Variants in OPA3 observed in about 807,000 individuals in gnomAD.
The protein encoded by OPA3 is outer mitochondrial membrane lipid metabolism regulator OPA3, also known as optic atrophy 3 protein.
Under a neutral mutation model 4.0 loss-of-function variants are expected in OPA3, and 6 were observed. The observed-to-expected ratio is 1.51, with a 90% CI of 0.83 to 2.99. OPA3 has a LOEUF of 2.99. Ranked by LOEUF, OPA3 falls within the 30% of genes most tolerant of loss-of-function variation. The pLI is 0.00. For missense variants in OPA3, 235 were observed against 256.2 expected (o/e 0.92, Z 0.56); for synonymous variants, 105 against 117.1 (o/e 0.90, Z 0.67).
At chr19:45,573,128 GT>G (rs1233694526) in intron 1 of OPA3, among the ~76,000 whole-genome samples, 2 of 151,928 alleles carry the variant, frequency 1.3e-5, no homozygotes, top group African/African-American at 4.8e-5. Context: ...TCAGACGGAG[GT>G]TTTTTTCTAG....
At chr19:45,576,476 T>C (rs1298696598) in intron 1 of OPA3, among the ~76,000 whole-genome samples, 2 of 151,842 alleles carry the variant, frequency 1.3e-5, no homozygotes, top group East Asian at 3.9e-4. Context: ...AGGCAGAGAT[T>C]GCAGTGAGTT....
At chr19:45,566,429 G>C (rs1408571569) in intron 1 of OPA3, among the ~76,000 whole-genome samples, 2 of 148,194 alleles carry the variant, frequency 1.3e-5, no homozygotes, top group Non-Finnish European at 3.0e-5. Flanking sequence ...GGGATTACAG[G>C]AGTGAGCCAC....
chr19:45,538,404 G>T (rs767715272), intron 1 of OPA3, among the ~76,000 whole-genome samples: 2 of 152,074 alleles, frequency 1.3e-5, no homozygotes, highest in African/African-American at 2.4e-5. Context: ...CTGGGCAAAA[G>T]AGTGAGTCCC....
At chr19:45,539,965 G>A (rs1969165234) in intron 1 of OPA3, among the ~76,000 whole-genome samples, 1 of 152,156 alleles carries the variant, frequency 6.6e-6, no homozygotes. Context: ...AAATTGGAAT[G>A]TGGAGATGGT....
At chr19:45,558,240 G>A (rs1969449948) in intron 1 of OPA3, among the ~76,000 whole-genome samples, 1 of 152,062 alleles carries the variant, frequency 6.6e-6, no homozygotes, top group African/African-American at 2.4e-5. Flanking sequence ...GCTGAGACAG[G>A]AGAATCGCTT....
intron 1 of OPA3, chr19:45,529,470 C>G: frequency 1.2e-6 from 2 of 1,610,902 alleles, no homozygotes; most frequent in South Asian, 2.2e-5. Flanking sequence ...CAGGAAAAGA[C>G]AGGAGTCAGG....
rs1412176712 is a variant in OPA3 at position 45,553,521 on chromosome 19, T to C, written c.533A>G (p.Lys178Arg). Residue 178 changes from lysine (K) to arginine (R), a missense_variant, in exon 2 of 2, where the codon AAG (lysine) becomes AGG (arginine). Physicochemically the swap from Lys to Arg is conservative, Grantham distance 26. Coordinates refer to ENST00000263275, the MANE Select transcript of OPA3 (RefSeq NM_025136.4). The part of the protein sequence containing the change: ...RSASHAVPAS[K>R]K ...GTTCCATCCAGCAAGCTCCTATTTCTTGGACGCAGGCACTGCGTGGGAAGC... is the reference window on the plus strand; with the variant it reads ...GTTCCATCCAGCAAGCTCCTATTTCCTGGACGCAGGCACTGCGTGGGAAGC... The C allele has an allele frequency of 1.2e-6, 2 of 1,613,098 alleles. No homozygotes were observed. Among genetic ancestry groups the C allele is most frequent in the East Asian group, 2.2e-5 (1 of 44,892 alleles).
intron 1 of OPA3, among the ~76,000 whole-genome samples, chr19:45,569,118 G>C (rs1198373380): frequency 1.3e-5 from 2 of 152,106 alleles, no homozygotes; most frequent in Non-Finnish European, 1.5e-5. Context: ...ACTCAACTTG[G>C]TATAGAGGAT....
chr19:45,580,680 G>A (rs1231235763), intron 1 of OPA3, among the ~76,000 whole-genome samples: 1 of 150,072 alleles, frequency 6.7e-6, no homozygotes, highest in Non-Finnish European at 1.5e-5. Flanking sequence ...GTGCAGTGGT[G>A]TGATCTTGGC....
chr19:45,577,725 C>T (rs1969789213), intron 1 of OPA3, among the ~76,000 whole-genome samples: 1 of 152,190 alleles, frequency 6.6e-6, no homozygotes, highest in Admixed American at 6.5e-5. Flanking sequence ...AACAAATAGA[C>T]CTCAGGAGTC....
At chr19:45,566,858 T>G (rs895044208) in intron 1 of OPA3, among the ~76,000 whole-genome samples, 1 of 152,128 alleles carries the variant, frequency 6.6e-6, no homozygotes, top group Non-Finnish European at 1.5e-5. Context: ...AGAATTTCAT[T>G]TCTACCAAGA....
Position 45,580,169 on chromosome 19 carries a change from G to A in OPA3, c.142+4454C>T, listed in dbSNP as rs140704724. Among the ~76,000 whole-genome samples the A allele has an allele frequency of 8.3e-3, 1,211 of 145,852 alleles. 7 individuals are homozygous for A. Among genetic ancestry groups the A allele is most frequent in the Middle Eastern group, 0.022 (6 of 276 alleles). ...GTGCCACCACGCCCAGCTAATTTTT[G>A]TATTTTTAGTAGAGAAGGGGTTTCA... On this transcript the variant is annotated intron_variant, in intron 1 of 1. Transcript: ENST00000263275.
rs1969031550 is a variant in OPA3 at position 45,529,268 on chromosome 19, T to C, written c.331A>G (p.Lys111Glu). The C allele has an allele frequency of 1.2e-6, 2 of 1,613,926 alleles. No homozygotes were observed. Among genetic ancestry groups the C allele is most frequent in the Non-Finnish European group, 1.7e-6 (2 of 1,179,956 alleles). Residue 111 changes from lysine to glutamate, a missense_variant, in exon 2 of 2, where the codon AAG becomes GAG. Coordinates refer to the OPA3 transcript ENST00000323060. ...CTGGCAACACGTCGCTCCTTTTCCT[T>C]GCGGCGCTGCTGCAACTGGTGGCGC... is the stretch of plus-strand genomic sequence containing the variant.
chr19:45,563,432 A>G (rs945457427), intron 1 of OPA3, among the ~76,000 whole-genome samples: 19 of 152,124 alleles, frequency 1.2e-4, no homozygotes, highest in African/African-American at 4.3e-4. Context: ...TGCTGGGATT[A>G]CAGGTGTGAG....
rs373427314 is a variant in OPA3, at chr19:45,584,745, G to A, written c.20C>T (p.Pro7Leu). The A allele has an allele frequency of 2.5e-6, 4 of 1,613,930 alleles. No individual in the cohort carries two copies. In the African/African-American group the frequency reaches 4.0e-5, roughly 16 times the overall value. Residue 7 changes from proline to leucine, a missense_variant, in exon 1 of 2, where the codon CCT becomes CTT. Coordinates refer to ENST00000263275, the MANE Select transcript of OPA3 (RefSeq NM_025136.4). ...GCCCAAGTATAGCAGCTTCGCCATA[G>A]GGAACGCGCCCACCACCATCTTGGC... is the stretch of plus-strand genomic sequence containing the variant. Reference protein sequence around the residue: MVVGAFPMAKLLYLGIR... With the variant: MVVGAFLMAKLLYLGIR...
At chr19:45,557,169 C>G (rs1969433152) in intron 1 of OPA3, among the ~76,000 whole-genome samples, 1 of 152,150 alleles carries the variant, frequency 6.6e-6, no homozygotes, top group African/African-American at 2.4e-5. Context: ...GCAGACCAAG[C>G]ATGGGGATCT....
At chr19:45,559,939 A>T (rs1390631344) in intron 1 of OPA3, among the ~76,000 whole-genome samples, 1 of 152,108 alleles carries the variant, frequency 6.6e-6, no homozygotes, top group Non-Finnish European at 1.5e-5. Flanking sequence ...TCGCAAGCTG[A>T]GCCTTGGTGT....
intron 1 of OPA3, among the ~76,000 whole-genome samples, chr19:45,557,336 C>T (rs1007080235): frequency 2.0e-5 from 3 of 152,076 alleles, no homozygotes; most frequent in Non-Finnish European, 2.9e-5. Flanking sequence ...CATTCTCCCT[C>T]GGGCCAGCGG....
At chr19:45,570,989 G>GGA (rs1226375731) in intron 1 of OPA3, among the ~76,000 whole-genome samples, 3 of 114,742 alleles carry the variant, frequency 2.6e-5, no homozygotes, top group South Asian at 6.3e-4. Flanking sequence ...GGGGGGGGGG[G>GGA]GCATGAATAA....
Sources: allele counts gnomAD v4.1 joint callset (sites outside exome capture counted in the v4.1 genomes callset), GRCh38; gene constraint gnomAD v4.1.1; transcripts MANE v1.5; gene names NCBI Gene and HGNC (gene_info 2026-07-23, HGNC 2026-07-21).